The following IL18 variants were observed in gnomAD, a reference collection of about 807,000 sequenced individuals.
IL18 encodes interleukin 18.
A neutral mutation model predicts 14.2 loss-of-function variants in IL18; 8 were observed. The observed-to-expected ratio is 0.56, with a 90% CI of 0.33 to 1.01. The LOEUF is 1.01. Among genes scored for constraint, IL18 ranks in the 50% least tolerant of loss-of-function variants. IL18 has a pLI of 0.03. For synonymous variants in IL18, 67 were observed against 71.0 expected, an observed-to-expected ratio of 0.94 and a Z score of 0.28; for missense variants, 166 against 231.1, an observed-to-expected ratio of 0.72 and a Z score of 1.83.
intron 3 of IL18, chr11:112,152,990 T>C (rs1462836012): frequency 2.6e-5 from 4 of 152,216 alleles, no homozygotes; most frequent in Non-Finnish European, 4.4e-5. Flanking sequence ...AACGTCTTGC[T>C]CTACACCCTG....
At chr11:112,151,448 T>C (rs1866438021) in intron 3 of IL18, among the ~76,000 whole-genome samples, 3 of 152,214 alleles carry the variant, frequency 2.0e-5, no homozygotes, top group African/African-American at 2.4e-5. Flanking sequence ...CATATTATTA[T>C]CTTTTTTCAT....
At chr11:112,162,767 T>C (rs535237950) in intron 1 of IL18, among the ~76,000 whole-genome samples, 2 of 152,284 alleles carry the variant, frequency 1.3e-5, no homozygotes, top group South Asian at 4.1e-4. Context: ...TCACAGGCAA[T>C]AGGAAAACAT....
chr11:112,153,779 T>C (rs767549394), intron 2 of IL18, among the ~76,000 whole-genome samples, 176 bp from the exon 3 acceptor site: 3 of 152,148 alleles, frequency 2.0e-5, no homozygotes, highest in Non-Finnish European at 4.4e-5. Flanking sequence ...AAAAGGCCCA[T>C]AAAATGAAGC....
Position 112,150,066 on chromosome 11 carries a change from A to G in IL18, c.226+6T>C. 2 of 1,589,728 alleles carry G rather than the reference A, an allele frequency of 1.3e-6. No individual in the cohort carries two copies. The highest frequency in any genetic ancestry group is 8.5e-7 in the Non-Finnish European group (1 of 1,173,220). On this transcript the variant is annotated splice_donor_region_variant and intron_variant, in intron 4 of 5. Transcript: ENST00000280357. ...CATTTCTATGTTTGCGAATTAAAAA[A>G]AATACCTCTACAGTCAGAATCAGTC...
chr11:112,162,505 G>C (rs1201619543), intron 1 of IL18, among the ~76,000 whole-genome samples: 1 of 151,928 alleles, frequency 6.6e-6, no homozygotes, highest in Non-Finnish European at 1.5e-5. Context: ...TACCACATCT[G>C]GCTAATTTTT....
chr11:112,146,386 T>C (rs1866343493), intron 5 of IL18, among the ~76,000 whole-genome samples: 1 of 152,142 alleles, frequency 6.6e-6, no homozygotes, highest in Non-Finnish European at 1.5e-5. Context: ...AGTGGTGCGA[T>C]CTCAGCTCAC....
At chr11:112,146,062 A>T (rs1280069070) in intron 5 of IL18, among the ~76,000 whole-genome samples, 1 of 143,418 alleles carries the variant, frequency 7.0e-6, no homozygotes, top group Non-Finnish European at 1.5e-5. Flanking sequence ...TTACATCAGA[A>T]GGGGTTGAAT....
chr11:112,159,046 A>G (rs978818069), intron 1 of IL18, among the ~76,000 whole-genome samples: 2 of 151,768 alleles, frequency 1.3e-5, no homozygotes, highest in East Asian at 3.9e-4. Context: ...AACTCACTCT[A>G]GAAGCAACAT....
chr11:112,149,622 G>A (rs1866403957), intron 4 of IL18, among the ~76,000 whole-genome samples: 1 of 140,378 alleles, frequency 7.1e-6, no homozygotes, highest in Non-Finnish European at 1.5e-5. Context: ...CCAGGCTGGA[G>A]TGCAGTGGCT....
chr11:112,150,058 A>C lies in IL18; in HGVS notation c.226+14T>G. 6.3e-7 allele frequency: 1 copy of C among 1,587,780 alleles called. No individual in the cohort carries two copies. Among genetic ancestry groups the C allele is most frequent in the Non-Finnish European group, 8.5e-7 (1 of 1,171,684 alleles). The stretch of plus-strand genomic sequence containing the variant: ...TAGCTAGTCATTTCTATGTTTGCGA[A>C]TTAAAAAAAATACCTCTACAGTCAG... On this transcript the variant is annotated intron_variant, in intron 4 of 5. Transcript: ENST00000280357.
chr11:112,146,033 C>CTT (rs10708869), intron 5 of IL18, among the ~76,000 whole-genome samples: 9 of 131,126 alleles, frequency 6.9e-5, no homozygotes, highest in Admixed American at 3.0e-4. Flanking sequence ...GGATTTCTTT[C>CTT]TTTTTTTTTT....
At chr11:112,159,408 C>T (rs1866591353) in intron 1 of IL18, among the ~76,000 whole-genome samples, 1 of 151,786 alleles carries the variant, frequency 6.6e-6, no homozygotes, top group Non-Finnish European at 1.5e-5. Flanking sequence ...CAGACAACAA[C>T]TACTGAAGTA....
chr11:112,149,041 G>T (rs923508491), intron 4 of IL18, among the ~76,000 whole-genome samples: 1 of 151,942 alleles, frequency 6.6e-6, no homozygotes, highest in African/African-American at 2.4e-5. Context: ...GGGGTTGTTT[G>T]TTTGTTTGGG....
chr11:112,148,238 A>G (rs1425236213), intron 5 of IL18, among the ~76,000 whole-genome samples: 2 of 152,250 alleles, frequency 1.3e-5, no homozygotes, highest in African/African-American at 2.4e-5. Context: ...AGCAGAACTC[A>G]TTCTGGAAAG....
At chr11:112,147,566 G>C (rs1202290809) in intron 5 of IL18, among the ~76,000 whole-genome samples, 1 of 152,198 alleles carries the variant, frequency 6.6e-6, no homozygotes, top group Non-Finnish European at 1.5e-5. Context: ...TGCCTGTCAG[G>C]TCTAGAATGG....
At chr11:112,144,567 G>A (rs185589093) in intron 5 of IL18, among the ~76,000 whole-genome samples, 8 of 152,304 alleles carry the variant, frequency 5.3e-5, no homozygotes, top group Non-Finnish European at 1.0e-4. Context: ...TCATTTCTGA[G>A]CCAACTGTGA....
chr11:112,161,631 T>G (rs556936192), intron 1 of IL18, among the ~76,000 whole-genome samples: 1 of 152,102 alleles, frequency 6.6e-6, no homozygotes, highest in African/African-American at 2.4e-5. Flanking sequence ...AAACCCTGTT[T>G]CTACTAAAAA....
intron 3 of IL18, among the ~76,000 whole-genome samples, chr11:112,152,588 T>C (rs1288953105): frequency 1.3e-5 from 2 of 152,208 alleles, no homozygotes; most frequent in Non-Finnish European, 2.9e-5. Flanking sequence ...GTCAATGGAA[T>C]ATGAGGGGGA....
At chr11:112,160,940 C>G (rs1866620799) in intron 1 of IL18, among the ~76,000 whole-genome samples, 1 of 152,050 alleles carries the variant, frequency 6.6e-6, no homozygotes, top group Non-Finnish European at 1.5e-5. Context: ...GTTCTCATCC[C>G]CATTCCTCCT....
Sources: gnomAD v4.1 joint callset for allele counts (sites outside exome capture counted in the v4.1 genomes callset) on GRCh38, gnomAD v4.1.1 for gene constraint, MANE v1.5 for transcripts, NCBI Gene and HGNC (gene_info 2026-07-23, HGNC 2026-07-21) for gene names.